FHIT: variants seen among roughly 807,000 people sequenced by gnomAD.
FHIT encodes the protein fragile histidine triad diadenosine triphosphatase.
A neutral mutation model predicts 17.9 loss-of-function variants in FHIT; 19 were observed. That is an observed-to-expected ratio of 1.06 (90% CI 0.74 to 1.56). FHIT has a LOEUF of 1.56. FHIT is among the 40% of genes most tolerant of loss of function. The pLI, the probability that FHIT is intolerant of heterozygous loss-of-function variation, is 0.00. For missense variants in FHIT, 248 were observed against 189.2 expected (o/e 1.31, Z -1.82); for synonymous variants, 81 against 69.7 (o/e 1.16, Z -0.81).
intron 4 of FHIT, among the ~76,000 whole-genome samples, chr3:60,645,708 C>G (rs1279613666): frequency 6.6e-6 from 1 of 152,130 alleles, no homozygotes; most frequent in Non-Finnish European, 1.5e-5. Context: ...ATTCTAACAT[C>G]CTACTACCTA....
intron 4 of FHIT, among the ~76,000 whole-genome samples, chr3:60,700,560 C>A (rs1255468472): frequency 6.6e-6 from 1 of 151,778 alleles, no homozygotes; most frequent in Non-Finnish European, 1.5e-5. Flanking sequence ...TTTGCCACTA[C>A]TAAAAATGCA....
intron 5 of FHIT, among the ~76,000 whole-genome samples, chr3:60,332,933 A>G (rs960571414): frequency 6.6e-6 from 1 of 152,228 alleles, no homozygotes; most frequent in Admixed American, 6.5e-5. Context: ...CCACTTAACG[A>G]AAGACTTTAA....
At chr3:61,203,559 G>C (rs1450910099) in intron 1 of FHIT, among the ~76,000 whole-genome samples, 2 of 152,112 alleles carry the variant, frequency 1.3e-5, no homozygotes, top group Non-Finnish European at 2.9e-5. Flanking sequence ...AGAAGCAATA[G>C]TAAACAGAGA....
At chr3:61,110,096 C>G (rs905724775) in intron 2 of FHIT, among the ~76,000 whole-genome samples, 1 of 152,138 alleles carries the variant, frequency 6.6e-6, no homozygotes, top group South Asian at 2.1e-4. Flanking sequence ...CAGGTAACAT[C>G]CCTCCTCTGG....
chr3:60,933,431 C>T (rs1238556358), intron 3 of FHIT, among the ~76,000 whole-genome samples: 2 of 152,128 alleles, frequency 1.3e-5, no homozygotes, highest in African/African-American at 4.8e-5. Context: ...TCTTCTTTTG[C>T]ATATGAAGTC....
chr3:60,017,739 A>G (rs1048463647), intron 5 of FHIT, among the ~76,000 whole-genome samples: 1 of 152,216 alleles, frequency 6.6e-6, no homozygotes. Flanking sequence ...TTTTTGCTGC[A>G]TTAAAGTGGT....
At chr3:60,563,888 T>C (rs955107745) in intron 4 of FHIT, among the ~76,000 whole-genome samples, 7 of 152,172 alleles carry the variant, frequency 4.6e-5, no homozygotes, top group African/African-American at 1.4e-4. Flanking sequence ...TGCAGCAAGT[T>C]TTCCAGAAGA....
At chr3:60,660,727 C>CTTTTTTTTTTTTTTTTTTTTTT (rs1220817643) in intron 4 of FHIT, among the ~76,000 whole-genome samples, 6 of 16,730 alleles carry the variant, frequency 3.6e-4, no homozygotes, top group African/African-American at 6.8e-4. Flanking sequence ...TTTTATTGTG[C>CTTTTTTTTTTTTTTTTTTTTTT]TCTTTTTTTT....
intron 5 of FHIT, among the ~76,000 whole-genome samples, chr3:60,368,823 T>C (rs749985660): frequency 7.2e-5 from 11 of 152,194 alleles, no homozygotes; most frequent in Non-Finnish European, 1.5e-4. Flanking sequence ...AAGTGTGTAA[T>C]ACATCTCAAA....
intron 5 of FHIT, among the ~76,000 whole-genome samples, chr3:60,082,355 T>G (rs553059233): frequency 6.6e-6 from 1 of 152,292 alleles, no homozygotes; most frequent in East Asian, 1.9e-4. Flanking sequence ...TGTACCGTAT[T>G]TCCTTTATCT....
At chr3:60,302,090 G>T (rs1197840760) in intron 5 of FHIT, among the ~76,000 whole-genome samples, 2 of 152,106 alleles carry the variant, frequency 1.3e-5, no homozygotes, top group Non-Finnish European at 2.9e-5. Context: ...AGTATCAGGA[G>T]GTTCCAATTA....
chr3:59,922,300 G>T, intron 8 of FHIT, 46 bp downstream of exon 8: 1 of 1,452,604 alleles, frequency 6.9e-7, no homozygotes, highest in Non-Finnish European at 9.7e-7. Context: ...TCATCCCACC[G>T]ACAGTCCCCG....
chr3:60,240,548 A>G (rs1000094507), intron 5 of FHIT, among the ~76,000 whole-genome samples: 2 of 152,334 alleles, frequency 1.3e-5, no homozygotes, highest in African/African-American at 4.8e-5. Context: ...TCACGGAAGC[A>G]CAAATAAACT....
intron 4 of FHIT, among the ~76,000 whole-genome samples, chr3:60,623,769 G>A (rs1342143751): frequency 1.3e-5 from 2 of 152,234 alleles, no homozygotes; most frequent in Admixed American, 6.5e-5. Context: ...TCGTTTCGGC[G>A]TGTCTTCAGG....
chr3:59,827,189 C>T (rs1179897491), intron 8 of FHIT, among the ~76,000 whole-genome samples: 1 of 152,166 alleles, frequency 6.6e-6, no homozygotes, highest in African/African-American at 2.4e-5. Flanking sequence ...CTCATCTAAT[C>T]CTTCCTCACA....
At chr3:60,211,100 G>T (rs1278700802) in intron 5 of FHIT, among the ~76,000 whole-genome samples, 1 of 144,280 alleles carries the variant, frequency 6.9e-6, no homozygotes, top group South Asian at 2.2e-4. Context: ...AGAGGAGGAA[G>T]AGGAAAAAGA....
At chr3:60,031,334 G>T (rs1390035949) in intron 5 of FHIT, among the ~76,000 whole-genome samples, 2 of 152,146 alleles carry the variant, frequency 1.3e-5, no homozygotes, top group East Asian at 1.9e-4. Context: ...GAAAATCAAA[G>T]AAAAGAGAAA....
At chr3:60,319,054 T>G (rs955351668) in intron 5 of FHIT, among the ~76,000 whole-genome samples, 3 of 152,138 alleles carry the variant, frequency 2.0e-5, no homozygotes, top group Non-Finnish European at 4.4e-5. Context: ...ACACTATGAC[T>G]ACCCTGCACC....
At position 60,735,151 on chromosome 3, in the gene FHIT, T is replaced by G. The variant is rs528732668; in HGVS notation, c.-18+86768A>C. Reference sequence around the variant, plus strand: ...CCTTCACTTGTAAGAGACCAGAAATTACTTTTCAGAGAGCCTGTATCTTTT... The same window carrying G: ...CCTTCACTTGTAAGAGACCAGAAATGACTTTTCAGAGAGCCTGTATCTTTT... On this transcript the variant is annotated intron_variant, in intron 4 of 9. Transcript: ENST00000492590. 2.0e-5 allele frequency among the ~76,000 whole-genome samples: 3 copies of G among 152,346 alleles called. No individual in the cohort carries two copies. In the South Asian group the frequency reaches 6.2e-4, roughly 32 times the overall value.
Sources: gnomAD v4.1 joint callset for allele counts (sites outside exome capture counted in the v4.1 genomes callset) on GRCh38, gnomAD v4.1.1 for gene constraint, MANE v1.5 for transcripts, NCBI Gene and HGNC (gene_info 2026-07-23, HGNC 2026-07-21) for gene names.